The following MSRA variants were observed in gnomAD, a reference collection of about 807,000 sequenced individuals.
MSRA encodes mitochondrial peptide methionine sulfoxide reductase.
In MSRA, 54 loss-of-function variants were observed where a neutral mutation model predicts 31.3. The ratio of observed to expected loss-of-function variants is 1.73; its 90% confidence interval spans 1.39 to 2.17. The LOEUF (loss-of-function observed/expected upper bound fraction) is 2.17. Ranked by LOEUF, MSRA falls within the 30% of genes most tolerant of loss-of-function variation. The probability of loss-of-function intolerance (pLI) is 0.00; values close to 1 mark genes in which losing one functional copy is unlikely to be tolerated. For synonymous variants in MSRA, 169 were observed against 116.5 expected, an observed-to-expected ratio of 1.45 and a Z score of -2.90; for missense variants, 507 against 300.9, an observed-to-expected ratio of 1.69 and a Z score of -5.07.
intron 3 of MSRA, among the ~76,000 whole-genome samples, chr8:10,299,333 A>G (rs1390986880): frequency 6.6e-6 from 1 of 152,142 alleles, no homozygotes; most frequent in Non-Finnish European, 1.5e-5. Context: ...AGAGATTTTT[A>G]ATGCTTATGT....
chr8:10,105,909 G>A (rs1016590570), intron 1 of MSRA, among the ~76,000 whole-genome samples: 5 of 152,150 alleles, frequency 3.3e-5, no homozygotes, highest in African/African-American at 1.2e-4. Flanking sequence ...TAGAAACCAG[G>A]AGGACCAGGC....
In MSRA at chr8:10,090,034, A is replaced by C. The variant is rs140126862; in HGVS notation, c.142+35376A>C. 1.8e-4 allele frequency among the ~76,000 whole-genome samples: 27 copies of C among 152,312 alleles called. No individual in the cohort carries two copies. The East Asian group carries it at 4.6e-3, about 26-fold the overall frequency. On this transcript the variant is annotated intron_variant, in intron 1 of 5. Coordinates refer to ENST00000317173, the MANE Select transcript of MSRA (RefSeq NM_012331.5). ...CAAACCACATCCAAACCACAGCAGC[A>C]TGAAAGGGGATGAGTCAGATCTTGG...
intron 1 of MSRA, among the ~76,000 whole-genome samples, chr8:10,192,468 C>G (rs1239837160): frequency 6.6e-6 from 1 of 152,194 alleles, no homozygotes; most frequent in Non-Finnish European, 1.5e-5. Context: ...ACCCAGCTTC[C>G]TATTCTAATA....
chr8:10,161,340 A>G (rs1385256), intron 1 of MSRA, among the ~76,000 whole-genome samples: 38,615 of 152,030 alleles, frequency 0.25, 5,729 homozygotes, highest in East Asian at 0.53. Context: ...CAGGAATGGC[A>G]CAATAAAGTT....
chr8:10,305,409 C>CTTTTTTTTTTTTTTTTTTTT (rs549346544), intron 4 of MSRA, among the ~76,000 whole-genome samples: 3 of 122,968 alleles, frequency 2.4e-5, no homozygotes, highest in African/African-American at 9.1e-5. Flanking sequence ...TGTTTTCTTC[C>CTTTTTTTTTTTTTTTTTTTT]TTTTTTTTTT....
chr8:10,330,979 G>C (rs1802661408), intron 5 of MSRA, among the ~76,000 whole-genome samples: 1 of 152,200 alleles, frequency 6.6e-6, no homozygotes, highest in Non-Finnish European at 1.5e-5. Context: ...GAGCTCCCGT[G>C]ATGGGACTGC....
chr8:10,363,807 C>T (rs183150630), intron 5 of MSRA, among the ~76,000 whole-genome samples: 2 of 132,328 alleles, frequency 1.5e-5, no homozygotes, highest in Non-Finnish European at 1.6e-5. Context: ...GCGCACCCAC[C>T]TGTAGTCCCA....
At chr8:10,385,002 C>T (rs531989600) in intron 5 of MSRA, among the ~76,000 whole-genome samples, 18 of 150,750 alleles carry the variant, frequency 1.2e-4, no homozygotes, top group Non-Finnish European at 2.5e-4. Flanking sequence ...ACCCTGTCTC[C>T]GAAAAAAAAA....
At chr8:10,101,330 T>C (rs1236395567) in intron 1 of MSRA, among the ~76,000 whole-genome samples, 1 of 152,248 alleles carries the variant, frequency 6.6e-6, no homozygotes, top group East Asian at 1.9e-4. Context: ...ATGGTAGATA[T>C]TATTTATGTT....
intron 1 of MSRA, among the ~76,000 whole-genome samples, chr8:10,095,097 C>G (rs1799063145): frequency 6.6e-6 from 1 of 152,184 alleles, no homozygotes. Context: ...ATCTGCATGC[C>G]TCCGTTTCTA....
intron 5 of MSRA, among the ~76,000 whole-genome samples, chr8:10,414,679 C>G (rs1321740096): frequency 6.6e-6 from 1 of 152,238 alleles, no homozygotes; most frequent in African/African-American, 2.4e-5. Context: ...GCTTGAAGTT[C>G]TTTTCTATTC....
At chr8:10,135,256 T>C (rs1237087866) in intron 1 of MSRA, among the ~76,000 whole-genome samples, 1 of 152,252 alleles carries the variant, frequency 6.6e-6, no homozygotes, top group Admixed American at 6.5e-5. Flanking sequence ...GGGGGTTGCC[T>C]ATTTTATAGA....
chr8:10,384,672 G>A (rs1446930505), intron 5 of MSRA, among the ~76,000 whole-genome samples: 8 of 152,142 alleles, frequency 5.3e-5, no homozygotes, highest in African/African-American at 9.7e-5. Flanking sequence ...TTGCACTAGC[G>A]GAAGGACTCA....
intron 3 of MSRA, among the ~76,000 whole-genome samples, chr8:10,274,536 A>G (rs1019636667): frequency 6.6e-6 from 1 of 152,226 alleles, no homozygotes; most frequent in Admixed American, 6.5e-5. Context: ...CCCAAGGTCC[A>G]TTCCAATCTG....
At chr8:10,287,768 A>G (rs1399787019) in intron 3 of MSRA, among the ~76,000 whole-genome samples, 3 of 152,150 alleles carry the variant, frequency 2.0e-5, no homozygotes, top group Admixed American at 2.0e-4. Flanking sequence ...GTTGCCAAGA[A>G]TAAGGGAGAC....
Position 10,207,865 on chromosome 8 carries a change from G to T in MSRA, c.175G>T (p.Glu59Ter). The T allele has an allele frequency of 1.2e-6, 2 of 1,609,296 alleles. No individual in the cohort carries two copies. The highest frequency in any genetic ancestry group is 1.7e-4 in the Middle Eastern group (1 of 5,972). The stretch of plus-strand genomic sequence containing the variant: ...TCATGTCAATGGCAACAGAACAGTC[G>T]AACCTTTCCCAGAGGGAACACAGAT... ...KHHVNGNRTV[E>*]PFPEGTQMAV... The change falls in exon 2 of 6, where the codon GAA becomes TAA. Residue 59 changes from glutamate (E) to a stop codon, truncating the protein, a stop_gained. Transcript: ENST00000317173. LOFTEE classifies it high-confidence loss of function.
chr8:10,351,876 T>G (rs1448509223), intron 5 of MSRA, among the ~76,000 whole-genome samples: 2 of 152,194 alleles, frequency 1.3e-5, no homozygotes, highest in Non-Finnish European at 2.9e-5. Flanking sequence ...GGCGCAGGTT[T>G]TAAGGCTATG....
rs780292241 is a variant in MSRA, at chr8:10,428,290, G to T, written c.686G>T (p.Cys229Phe). ...YCGLGGTGVSCPVGIKK is the reference protein window; with the variant it reads ...YCGLGGTGVSFPVGIKK ...GGCCTTGGGGGCACCGGCGTGTCCT[G>T]CCCAGTGGGTATTAAAAAATAATTT... The change falls in exon 6 of 6, where the codon TGC becomes TTC. Residue 229 changes from cysteine to phenylalanine, a missense_variant. Coordinates refer to ENST00000317173, the MANE Select transcript of MSRA (RefSeq NM_012331.5). The T allele has an allele frequency of 2.9e-5, 47 of 1,612,532 alleles. No homozygotes were observed. Among genetic ancestry groups the T allele is most frequent in the African/African-American group, 1.9e-4 (14 of 74,864 alleles).
chr8:10,354,748 G>GTATATATATATATATATA (rs1477165567), intron 5 of MSRA, among the ~76,000 whole-genome samples: 1 of 129,030 alleles, frequency 7.8e-6, no homozygotes, highest in African/African-American at 3.0e-5. Flanking sequence ...GTGTGTGTGT[G>GTATATATATATATATATA]TGTATATATA....
Sources: gnomAD v4.1 joint callset for allele counts (sites outside exome capture counted in the v4.1 genomes callset) on GRCh38, gnomAD v4.1.1 for gene constraint, MANE v1.5 for transcripts, NCBI Gene and HGNC (gene_info 2026-07-23, HGNC 2026-07-21) for gene names.